Variants in FHIT observed in about 807,000 individuals in gnomAD.
The protein encoded by FHIT is bis(5'-adenosyl)-triphosphatase.
Under a neutral mutation model 17.9 loss-of-function variants are expected in FHIT, and 19 were observed. The observed-to-expected ratio is 1.06, with a 90% CI of 0.74 to 1.56. FHIT has a LOEUF of 1.56. Among genes scored for constraint, FHIT ranks in the 40% most tolerant of loss-of-function variants. The pLI is 0.00. For synonymous variants in FHIT, 81 were observed against 69.7 expected, an observed-to-expected ratio of 1.16 and a Z score of -0.81; for missense variants, 248 against 189.2, an observed-to-expected ratio of 1.31 and a Z score of -1.82.
intron 5 of FHIT, among the ~76,000 whole-genome samples, chr3:60,039,043 G>A (rs538506920): frequency 9.1e-4 from 139 of 152,294 alleles, no homozygotes; most frequent in African/African-American, 3.2e-3. Flanking sequence ...CCGTGGCTGA[G>A]ACTAGGGCCA....
chr3:61,224,657 G>A (rs184024933), intron 1 of FHIT, among the ~76,000 whole-genome samples: 7 of 152,040 alleles, frequency 4.6e-5, no homozygotes, highest in Admixed American at 3.3e-4. Context: ...TGATCCACCC[G>A]CCTTGGCCTC....
chr3:60,348,388 T>A (rs1353437980), intron 5 of FHIT, among the ~76,000 whole-genome samples: 1 of 151,992 alleles, frequency 6.6e-6, no homozygotes, highest in African/African-American at 2.4e-5. Context: ...CAGTGTCAAA[T>A]TTTTTTTAAC....
At chr3:60,643,442 C>T (rs376089394) in intron 4 of FHIT, among the ~76,000 whole-genome samples, 2 of 152,188 alleles carry the variant, frequency 1.3e-5, no homozygotes, top group East Asian at 3.9e-4. Context: ...CCTGCATAGA[C>T]AAAGCAAGAC....
At chr3:60,950,522 C>T (rs1553776946) in intron 3 of FHIT, among the ~76,000 whole-genome samples, 1 of 148,098 alleles carries the variant, frequency 6.8e-6, no homozygotes, top group African/African-American at 2.5e-5. Context: ...GCTTTGTCAC[C>T]CAGGCTGGAG....
chr3:60,564,446 TG>T (rs2037061836), intron 4 of FHIT, among the ~76,000 whole-genome samples: 1 of 152,168 alleles, frequency 6.6e-6, no homozygotes, highest in African/African-American at 2.4e-5. Flanking sequence ...AAATACATTT[TG>T]TAAGGCTATA....
At chr3:60,888,399 C>T (rs760632661) in intron 3 of FHIT, among the ~76,000 whole-genome samples, 13 of 152,160 alleles carry the variant, frequency 8.5e-5, no homozygotes, top group Non-Finnish European at 1.2e-4. Context: ...TAGAATTCTA[C>T]GCATCAAATT....
chr3:60,260,396 G>A (rs376125148), intron 5 of FHIT, among the ~76,000 whole-genome samples: 35 of 151,260 alleles, frequency 2.3e-4, no homozygotes, highest in East Asian at 7.7e-4. Context: ...GAAACAAAGT[G>A]TAAAATACAG....
intron 4 of FHIT, among the ~76,000 whole-genome samples, chr3:60,611,252 C>A (rs1360059570): frequency 6.6e-6 from 1 of 152,160 alleles, no homozygotes; most frequent in African/African-American, 2.4e-5. Context: ...AACACAAAGT[C>A]CAGTTGGTCC....
chr3:61,123,362 G>C (rs527882822), intron 2 of FHIT, among the ~76,000 whole-genome samples: 3 of 152,060 alleles, frequency 2.0e-5, no homozygotes, highest in Non-Finnish European at 4.4e-5. Context: ...TGGCTGGGGC[G>C]CTAGGGTAAG....
chr3:60,015,700 T>C (rs1559551062), intron 5 of FHIT, among the ~76,000 whole-genome samples: 2 of 152,104 alleles, frequency 1.3e-5, no homozygotes, highest in African/African-American at 2.4e-5. Context: ...AGTCCATAAG[T>C]GCTATGTTAG....
chr3:61,042,931 G>C (rs1006871429), intron 2 of FHIT, among the ~76,000 whole-genome samples: 1 of 152,046 alleles, frequency 6.6e-6, no homozygotes, highest in Non-Finnish European at 1.5e-5. Flanking sequence ...GCATCAAAAA[G>C]GTTAAGAACA....
At chr3:60,237,220 A>G (rs879399772) in intron 5 of FHIT, among the ~76,000 whole-genome samples, 1 of 151,068 alleles carries the variant, frequency 6.6e-6, no homozygotes, top group Non-Finnish European at 1.5e-5. Context: ...TTATTTCTCC[A>G]TATCCTTAAA....
intron 2 of FHIT, among the ~76,000 whole-genome samples, chr3:61,185,006 C>A (rs1392271613): frequency 6.6e-6 from 1 of 152,168 alleles, no homozygotes; most frequent in African/African-American, 2.4e-5. Context: ...CTGGTGATTT[C>A]TAGCACGGCA....
intron 4 of FHIT, among the ~76,000 whole-genome samples, chr3:60,667,908 C>A (rs1553692871): frequency 6.6e-6 from 1 of 151,880 alleles, no homozygotes; most frequent in African/African-American, 2.4e-5. Context: ...ACCCCACTGC[C>A]TTGTGGGGCA....
At chr3:60,346,411 T>G (rs554744288) in intron 5 of FHIT, among the ~76,000 whole-genome samples, 1 of 152,176 alleles carries the variant, frequency 6.6e-6, no homozygotes, top group African/African-American at 2.4e-5. Flanking sequence ...CAACTGGACA[T>G]GCCCAAAGCA....
intron 4 of FHIT, among the ~76,000 whole-genome samples, chr3:60,663,160 A>ATATATATATC (rs1553691630): frequency 7.5e-6 from 1 of 132,518 alleles, no homozygotes; most frequent in African/African-American, 3.0e-5. Context: ...GGAGATATAT[A>ATATATATATC]TCTCTTTAAT....
chr3:60,701,052 T>A (rs1469667976), intron 4 of FHIT, among the ~76,000 whole-genome samples: 2 of 152,084 alleles, frequency 1.3e-5, no homozygotes, highest in Non-Finnish European at 2.9e-5. Context: ...TACAACTTAC[T>A]GATGAAAAGC....
intron 5 of FHIT, among the ~76,000 whole-genome samples, chr3:60,161,876 T>C (rs1223641274): frequency 6.6e-6 from 1 of 152,106 alleles, no homozygotes; most frequent in Non-Finnish European, 1.5e-5. Flanking sequence ...CTCACTGCAT[T>C]ATCACAGGTG....
At chr3:60,154,923 C>T (rs1427994467) in intron 5 of FHIT, among the ~76,000 whole-genome samples, 4 of 152,244 alleles carry the variant, frequency 2.6e-5, no homozygotes, top group East Asian at 1.9e-4. Context: ...GGACCAGGCA[C>T]GATGGCTCAC....
Sources: allele counts gnomAD v4.1 joint callset (sites outside exome capture counted in the v4.1 genomes callset), GRCh38; gene constraint gnomAD v4.1.1; transcripts MANE v1.5; gene names NCBI Gene and HGNC (gene_info 2026-07-23, HGNC 2026-07-21).